The following ASTN2 variants were observed in gnomAD, a reference collection of about 807,000 sequenced individuals.
ASTN2 encodes astrotactin 2.
In ASTN2, 54 loss-of-function variants were observed where a neutral mutation model predicts 139.8. The ratio of observed to expected loss-of-function variants is 0.39; its 90% CI spans 0.31 to 0.48. The LOEUF (loss-of-function observed/expected upper bound fraction) is 0.48. ASTN2 is among the 20% of genes least tolerant of loss of function. The probability of loss-of-function intolerance (pLI) is 0.95; values close to 1 mark genes in which losing one functional copy is unlikely to be tolerated. For missense variants in ASTN2, 1,565 were observed against 1,725.1 expected, an observed-to-expected ratio of 0.91 and a Z score of 1.64; for synonymous variants, 756 against 719.5, an observed-to-expected ratio of 1.05 and a Z score of -0.81.
intron 6 of ASTN2, among the ~76,000 whole-genome samples, chr9:117,016,645 T>TTTTAC (rs1370955613): frequency 4.5e-5 from 1 of 22,020 alleles, no homozygotes; most frequent in Admixed American, 7.5e-4. Context: ...TATATATATA[T>TTTTAC]ATATATATAT....
At chr9:117,038,323 T>A (rs1232039856) in intron 6 of ASTN2, among the ~76,000 whole-genome samples, 2 of 152,178 alleles carry the variant, frequency 1.3e-5, no homozygotes, top group Non-Finnish European at 2.9e-5. Flanking sequence ...AAAATTTTTT[T>A]AAAGAATTAA....
chr9:116,581,355 G>T (rs1246470718), intron 19 of ASTN2, among the ~76,000 whole-genome samples: 1 of 151,952 alleles, frequency 6.6e-6, no homozygotes, highest in African/African-American at 2.4e-5. Flanking sequence ...CCAATCAGTT[G>T]ACCACTACCT....
chr9:116,825,478 C>A (rs1329286507), intron 11 of ASTN2, among the ~76,000 whole-genome samples: 1 of 152,160 alleles, frequency 6.6e-6, no homozygotes, highest in South Asian at 2.1e-4. Context: ...TGACTAGATG[C>A]AGGTAGTATG....
intron 5 of ASTN2, among the ~76,000 whole-genome samples, chr9:117,052,932 A>G (rs1052192385): frequency 6.6e-6 from 1 of 152,232 alleles, no homozygotes; most frequent in African/African-American, 2.4e-5. Context: ...ATTGGACTGG[A>G]TATCATGCCA....
intron 1 of ASTN2, among the ~76,000 whole-genome samples, chr9:117,396,490 G>T (rs1014879529): frequency 1.3e-5 from 2 of 152,126 alleles, no homozygotes; most frequent in African/African-American, 4.8e-5. Flanking sequence ...AAAACTTAAA[G>T]AAATAGTTTA....
chr9:116,557,223 CAAAAAAAA>C (rs60756690), intron 19 of ASTN2, among the ~76,000 whole-genome samples: 25 of 53,598 alleles, frequency 4.7e-4, no homozygotes, highest in Admixed American at 6.3e-4. Flanking sequence ...GACTCTGTCT[CAAAAAAAA>C]AAAAAAAAAA....
Position 116,698,475 on chromosome 9 carries a change from A to G in ASTN2, c.2806+27296T>C. On this transcript the variant is annotated intron_variant, in intron 16 of 22. Coordinates refer to ENST00000313400, the MANE Select transcript of ASTN2 (RefSeq NM_001365068.1). This position sits in a 1 kb window ranked among gnomAD's most constrained non-coding sequence, Gnocchi z 4.4. ...GTCTCGCTGTGACTACTTCCTGGCC[A>G]AGATCAAGCAGGCAGATGTAGCACT... The G allele has an allele frequency of 6.2e-7, 1 of 1,613,928 alleles. No homozygotes were observed. Among genetic ancestry groups the G allele is most frequent in the Non-Finnish European group, 8.5e-7 (1 of 1,179,998 alleles).
rs1828790767 is a variant in ASTN2 at position 117,333,788 on chromosome 9, T to C, written c.443-42275A>G. Among the ~76,000 whole-genome samples, 3 of 152,108 alleles carry C rather than the reference T, an allele frequency of 2.0e-5. No individual in the cohort carries two copies. In the South Asian group the frequency reaches 6.2e-4, roughly 32 times the overall value. The stretch of plus-strand genomic sequence containing the variant: ...CAAAGTGCTAGGATTACAGGCGTGA[T>C]CCACTGCACCCGTCCATTTGCCCAT... On this transcript the variant is annotated intron_variant, in intron 1 of 22. Coordinates refer to ENST00000313400, the MANE Select transcript of ASTN2 (RefSeq NM_001365068.1).
chr9:116,443,100 A>T (rs1054511831), intron 20 of ASTN2, among the ~76,000 whole-genome samples: 4 of 152,250 alleles, frequency 2.6e-5, no homozygotes, highest in Non-Finnish European at 4.4e-5. Context: ...AAAATATACC[A>T]GAATAATGCA....
At chr9:116,980,723 T>C (rs997760074) in intron 7 of ASTN2, among the ~76,000 whole-genome samples, 1 of 152,224 alleles carries the variant, frequency 6.6e-6, no homozygotes, top group Admixed American at 6.5e-5. Context: ...TCTCCATCAA[T>C]GCCATAGGTA....
At chr9:117,074,310 G>T (rs954423758) in intron 5 of ASTN2, among the ~76,000 whole-genome samples, 2 of 152,186 alleles carry the variant, frequency 1.3e-5, no homozygotes, top group African/African-American at 4.8e-5. Flanking sequence ...AGAAAGGAAC[G>T]AGGGTTTGAT....
chr9:117,096,309 T>G (rs1828840133), intron 4 of ASTN2, among the ~76,000 whole-genome samples, 158 bp from the exon 5 acceptor site: 3 of 152,190 alleles, frequency 2.0e-5, no homozygotes, highest in African/African-American at 7.2e-5. Flanking sequence ...GAGTTCATGC[T>G]CTGCAGTGAA....
At chr9:116,444,015 C>T (rs1450249481) in intron 20 of ASTN2, among the ~76,000 whole-genome samples, 2 of 152,150 alleles carry the variant, frequency 1.3e-5, no homozygotes, top group Admixed American at 1.3e-4. Context: ...TGCTAAGACC[C>T]TAATATGTGT....
At chr9:116,654,643 G>A (rs141903258) in intron 16 of ASTN2, among the ~76,000 whole-genome samples, 2 of 152,186 alleles carry the variant, frequency 1.3e-5, no homozygotes, top group African/African-American at 4.8e-5. Flanking sequence ...CCCAAAGAAG[G>A]AAAATGACTT....
rs139869052 is a variant in ASTN2, at chr9:117,076,688, G to A, written c.1276+19356C>T. On this transcript the variant is annotated intron_variant, in intron 5 of 22. Coordinates refer to ENST00000313400, the MANE Select transcript of ASTN2 (RefSeq NM_001365068.1). ...CCAACTTGTCTAAGGCAGGGGCAGC[G>A]GGGGTGGAGGGAGAGAGCATCTCCT... Among the ~76,000 whole-genome samples the A allele has an allele frequency of 1.6e-3, 239 of 152,134 alleles. 8 individuals carry two copies. The East Asian group carries it at 0.016, about 10-fold the overall frequency.
intron 6 of ASTN2, among the ~76,000 whole-genome samples, chr9:117,031,204 A>G (rs988255697): frequency 3.3e-5 from 5 of 152,136 alleles, no homozygotes; most frequent in Non-Finnish European, 4.4e-5. Flanking sequence ...GAAGTCAATC[A>G]TAGAAGAAGA....
chr9:116,814,049 A>C (rs892718003), intron 12 of ASTN2, among the ~76,000 whole-genome samples: 13 of 151,814 alleles, frequency 8.6e-5, no homozygotes, highest in Non-Finnish European at 4.4e-5. Flanking sequence ...AAAAAAAAAA[A>C]AAAAAGAGAG....
intron 19 of ASTN2, among the ~76,000 whole-genome samples, chr9:116,537,970 CAG>C (rs1344170542): frequency 1.3e-5 from 2 of 152,102 alleles, no homozygotes; most frequent in Non-Finnish European, 2.9e-5. Context: ...GATGGAGGCT[CAG>C]AGAGGCTTAA....
intron 20 of ASTN2, among the ~76,000 whole-genome samples, chr9:116,451,824 T>C (rs886570619): frequency 2.4e-5 from 2 of 82,332 alleles, no homozygotes; most frequent in Non-Finnish European, 4.5e-5. Context: ...ATAAATACTA[T>C]GCAAATGATC....
Sources: allele counts gnomAD v4.1 joint callset (sites outside exome capture counted in the v4.1 genomes callset), GRCh38; gene constraint gnomAD v4.1.1; non-coding constraint Gnocchi (gnomAD v3.1); transcripts MANE v1.5; gene names NCBI Gene and HGNC (gene_info 2026-07-23, HGNC 2026-07-21).